The following RAPH1 variants were observed in gnomAD, a reference collection of about 807,000 sequenced individuals.
RAPH1 encodes the protein Ras association (RalGDS/AF-6) and pleckstrin homology domains 1.
Under a neutral mutation model 88.1 loss-of-function variants are expected in RAPH1, and 18 were observed. That is an observed-to-expected ratio of 0.20 (90% CI 0.14 to 0.30). The LOEUF is 0.30. RAPH1 is among the 10% of genes least tolerant of loss of function. The pLI is 1.00. For synonymous variants in RAPH1, 587 were observed against 559.0 expected (o/e 1.05, Z -0.71); for missense variants, 1,448 against 1,543.2 (o/e 0.94, Z 1.03).
At position 203,435,397 on chromosome 2, in the gene RAPH1, A is replaced by G. The variant is rs2098497695; in HGVS notation, c.*4040T>C. 1 of 151,978 alleles carries G rather than the reference A, an allele frequency of 6.6e-6. No homozygotes were observed. Among genetic ancestry groups the G allele is most frequent in the East Asian group, 1.9e-4 (1 of 5,196 alleles). The allele number at this position is 151,978 out of a possible 1,614,324, so 9.4% of individuals were successfully genotyped here. ...AAAAAAAAAAAAACCTTAAAAGATA[A>G]TAAGTATCTAATTCTTTTATACTTG... is the stretch of plus-strand genomic sequence containing the variant. On this transcript the variant is annotated 3_prime_UTR_variant, in exon 14 of 14. Transcript: ENST00000319170.
intron 4 of RAPH1, among the ~76,000 whole-genome samples, chr2:203,480,429 T>C (rs1687672374): frequency 6.6e-6 from 1 of 152,092 alleles, no homozygotes. Flanking sequence ...GCGCCTATAG[T>C]CACAGCTACT....
intron 12 of RAPH1, chr2:203,445,788 T>C (rs1475470651): frequency 1.3e-5 from 2 of 152,000 alleles, no homozygotes; most frequent in Non-Finnish European, 2.9e-5. Context: ...TCTGGAAGGG[T>C]TGTTGGTTGG....
chr2:203,457,391 G>T, intron 8 of RAPH1, 139 bp downstream of exon 8: 1 of 742,386 alleles, frequency 1.3e-6, no homozygotes, highest in Non-Finnish European at 2.3e-6. Flanking sequence ...TCACCATCTT[G>T]GGCAGGCTGG....
At chr2:203,452,588 A>T (rs1440670611) in intron 10 of RAPH1, among the ~76,000 whole-genome samples, 1 of 152,190 alleles carries the variant, frequency 6.6e-6, no homozygotes, top group Non-Finnish European at 1.5e-5. Context: ...CTAGGACCCT[A>T]AGAGTATGAA....
At position 203,434,489 on chromosome 2, in the gene RAPH1, G is replaced by A. The variant is rs2098496732; in HGVS notation, c.*4948C>T. 6.6e-6 allele frequency: 1 copy of A among 151,578 alleles called. No homozygotes were observed. The highest frequency in any genetic ancestry group is 2.4e-5 in the African/African-American group (1 of 41,062). The allele number at this position is 151,578 out of a possible 1,614,324, so 9.4% of individuals were successfully genotyped here. On this transcript the variant is annotated 3_prime_UTR_variant, in exon 14 of 14. Coordinates refer to ENST00000319170, the MANE Select transcript of RAPH1 (RefSeq NM_213589.3). ...TCTCTGTAAGAGTTCACTAGTGGCT[G>A]ATAGTAAAATGAAGCAAAATTGTTT...
At chr2:203,497,531 T>C (rs1477690602) in intron 1 of RAPH1, among the ~76,000 whole-genome samples, 3 of 152,180 alleles carry the variant, frequency 2.0e-5, no homozygotes, top group Non-Finnish European at 2.9e-5. Flanking sequence ...CTGAATTTAG[T>C]TTTCAGATGC....
intron 9 of RAPH1, among the ~76,000 whole-genome samples, chr2:203,454,768 C>T (rs182955043): frequency 1.6e-4 from 24 of 152,246 alleles, no homozygotes; most frequent in African/African-American, 5.1e-4. Context: ...TCACAATGAA[C>T]ACTAACTTGT....
Position 203,439,764 on chromosome 2 carries a change from T to C in RAPH1, c.3426A>G (p.Pro1142=). Residue 1142 remains proline (P), a synonymous_variant, in exon 14 of 14, where the codon CCA becomes CCG. Transcript: ENST00000319170. The part of the protein sequence containing the change: ...RLTQAEISEQ[P]TMATVVPQVP... ...CTTGTGGCACAACTGTGGCCATTGT[T>C]GGCTGCTCAGAAATCTCAGCTTGAG... 1 of 1,614,166 alleles carries C rather than the reference T, an allele frequency of 6.2e-7. No individual in the cohort carries two copies. Among genetic ancestry groups the C allele is most frequent in the Non-Finnish European group, 8.5e-7 (1 of 1,180,040 alleles).
At chr2:203,477,506 T>C (rs1687517769) in intron 4 of RAPH1, among the ~76,000 whole-genome samples, 1 of 152,148 alleles carries the variant, frequency 6.6e-6, no homozygotes, top group East Asian at 1.9e-4. Context: ...TATTAATTTT[T>C]CCCCTTATGT....
At chr2:203,531,907 A>C (rs1244696061) in intron 1 of RAPH1, among the ~76,000 whole-genome samples, 1 of 152,204 alleles carries the variant, frequency 6.6e-6, no homozygotes, top group East Asian at 1.9e-4. Context: ...AATACTGAAA[A>C]AAGAACCGAA....
At chr2:203,534,018 G>A (rs1483859363) in intron 1 of RAPH1, among the ~76,000 whole-genome samples, 2 of 152,086 alleles carry the variant, frequency 1.3e-5, no homozygotes, top group Non-Finnish European at 2.9e-5. Flanking sequence ...TGTTCACCTG[G>A]TGTCACCCAG....
At position 203,444,976 on chromosome 2, in the gene RAPH1, G is replaced by A. The variant is rs145866168; in HGVS notation, c.1668C>T (p.Ser556=). 86 of 1,613,924 alleles carry A rather than the reference G, an allele frequency of 5.3e-5. No homozygotes were observed. The highest frequency in any genetic ancestry group is 1.6e-4 in the South Asian group (15 of 91,072). ...CTGCTGGCTGGGTGTCAGAAACTCC[G>A]CTATCAGACTGATTGGAGTGGTTTG... ...SQSNHSNQSD[S]GVSDTQPAGH... The change falls in exon 13 of 14, where the codon AGC becomes AGT. Residue 556 remains serine (S), a synonymous_variant. Transcript: ENST00000319170.
intron 1 of RAPH1, among the ~76,000 whole-genome samples, chr2:203,512,204 G>A (rs760681659): frequency 6.6e-6 from 1 of 151,492 alleles, no homozygotes; most frequent in Middle Eastern, 3.4e-3. Context: ...CCAGGCAGGC[G>A]GACCACTTGA....
intron 1 of RAPH1, among the ~76,000 whole-genome samples, chr2:203,534,300 G>C (rs561506577): frequency 6.6e-6 from 1 of 152,198 alleles, no homozygotes; most frequent in South Asian, 2.1e-4. Flanking sequence ...ATGCACACAC[G>C]CAAGACACAT....
chr2:203,443,090 T>G, intron 13 of RAPH1: 1 of 152,188 alleles, frequency 6.6e-6, no homozygotes, highest in East Asian at 1.9e-4. Context: ...AAATGCTCAT[T>G]TCTGAAGGAA....
At chr2:203,515,338 G>A (rs1018917174) in intron 1 of RAPH1, among the ~76,000 whole-genome samples, 3 of 152,154 alleles carry the variant, frequency 2.0e-5, no homozygotes, top group African/African-American at 7.2e-5. Flanking sequence ...AAGAGAAGGG[G>A]ATTTTCAAAA....
At chr2:203,471,925 GTCC>G (rs1321475055) in intron 4 of RAPH1, among the ~76,000 whole-genome samples, 4 of 151,890 alleles carry the variant, frequency 2.6e-5, no homozygotes, top group Non-Finnish European at 5.9e-5. Flanking sequence ...CTATCCCTAG[GTCC>G]TCATTTAACT....
chr2:203,477,125 T>C (rs779941219), intron 4 of RAPH1: 2 of 1,614,016 alleles, frequency 1.2e-6, no homozygotes, highest in Admixed American at 3.3e-5. Context: ...ACGCTTGGCC[T>C]GCTTGCTGGA....
intron 1 of RAPH1, among the ~76,000 whole-genome samples, chr2:203,519,181 A>G (rs914105129): frequency 2.0e-5 from 3 of 149,174 alleles, no homozygotes; most frequent in Non-Finnish European, 4.4e-5. Context: ...AAAACCAGAG[A>G]AAGACATTAT....
Sources: gnomAD v4.1 joint callset for allele counts (sites outside exome capture counted in the v4.1 genomes callset) on GRCh38, gnomAD v4.1.1 for gene constraint, MANE v1.5 for transcripts, NCBI Gene and HGNC (gene_info 2026-07-23, HGNC 2026-07-21) for gene names.